Variants in VPS13B observed in about 807,000 individuals in gnomAD.
VPS13B encodes vacuolar protein sorting 13 homolog B, also known as intermembrane lipid transfer protein VPS13B.
A neutral mutation model predicts 426.4 loss-of-function variants in VPS13B; 285 were observed. The observed-to-expected ratio is 0.67, with a 90% confidence interval of 0.61 to 0.74. The LOEUF (loss-of-function observed/expected upper bound fraction) is 0.74, where lower values mean the gene tolerates loss of function less well. Ranked by LOEUF, VPS13B falls within the 30% of genes least tolerant of loss-of-function variation. The pLI is 0.00. For missense variants in VPS13B, 4,537 were observed against 4,782.6 expected, an observed-to-expected ratio of 0.95 and a Z score of 1.51; for synonymous variants, 1,676 against 1,676.4, an observed-to-expected ratio of 1.00 and a Z score of 0.01.
intron 8 of VPS13B, among the ~76,000 whole-genome samples, chr8:99,128,748 A>C (rs949187750): frequency 2.0e-5 from 3 of 148,850 alleles, no homozygotes; most frequent in Admixed American, 2.0e-4. Flanking sequence ...GAAAAAAAAA[A>C]AGTTTCTGTT....
intron 3 of VPS13B, among the ~76,000 whole-genome samples, chr8:99,074,581 ATTTTGT>A (rs971931375): frequency 1.3e-5 from 2 of 151,614 alleles, no homozygotes; most frequent in Non-Finnish European, 2.9e-5. Flanking sequence ...GTTGGTTTGT[ATTTTGT>A]TGAGAATTTT....
intron 39 of VPS13B, among the ~76,000 whole-genome samples, chr8:99,724,433 A>C (rs1286909816): frequency 1.3e-5 from 2 of 152,136 alleles, no homozygotes; most frequent in Non-Finnish European, 2.9e-5. Context: ...GAGCTTATGA[A>C]AGGAAGGCCC....
intron 1 of VPS13B, 39 bp from the exon 2 acceptor site, chr8:99,013,721 C>T (rs566878670): frequency 6.2e-7 from 1 of 1,600,382 alleles, no homozygotes; most frequent in Non-Finnish European, 8.6e-7. Flanking sequence ...TTCCTTCACT[C>T]TACCGCCGAC....
chr8:99,719,383 C>T (rs1193763279), intron 37 of VPS13B, among the ~76,000 whole-genome samples: 1 of 152,102 alleles, frequency 6.6e-6, no homozygotes, highest in Non-Finnish European at 1.5e-5. Context: ...TTTCAGCATC[C>T]AATAAAAATA....
intron 33 of VPS13B, among the ~76,000 whole-genome samples, chr8:99,606,498 CA>C (rs370527702): frequency 4.2e-3 from 314 of 74,296 alleles, no homozygotes; most frequent in Admixed American, 8.4e-3. Context: ...GACTCAGTTT[CA>C]AAAAAAAAAA....
intron 19 of VPS13B, among the ~76,000 whole-genome samples, chr8:99,325,905 T>G (rs1810232816): frequency 1.3e-5 from 2 of 152,168 alleles, no homozygotes; most frequent in Admixed American, 1.3e-4. Context: ...CAAAATAAAT[T>G]TTTATTCTTT....
chr8:99,033,764 T>C (rs896860249), intron 2 of VPS13B, among the ~76,000 whole-genome samples: 11 of 151,938 alleles, frequency 7.2e-5, no homozygotes, highest in African/African-American at 2.7e-4. Context: ...GGTGTGGTGG[T>C]GGGTGCCTGT....
rs75083247 is a variant in VPS13B at position 99,072,227 on chromosome 8, C to G, written c.292-24085C>G. On this transcript the variant is annotated intron_variant, in intron 3 of 61. Transcript: ENST00000357162. ...ACAGCACTGGGTCTCACCCCTAGAC[C>G]CACGGTGAGTACTACCTGATTACTG... 1.2e-3 allele frequency among the ~76,000 whole-genome samples: 185 copies of G among 152,262 alleles called. 8 individuals carry two copies. In the East Asian group the frequency reaches 0.031, roughly 26 times the overall value.
intron 19 of VPS13B, among the ~76,000 whole-genome samples, chr8:99,334,459 T>C (rs1223669850): frequency 6.6e-6 from 1 of 152,134 alleles, no homozygotes; most frequent in Admixed American, 6.6e-5. Context: ...CTTCCAGTTT[T>C]TGCCCATTCA....
At chr8:99,221,592 T>A (rs1425357005) in intron 17 of VPS13B, among the ~76,000 whole-genome samples, 4 of 152,262 alleles carry the variant, frequency 2.6e-5, no homozygotes, top group African/African-American at 4.8e-5. Flanking sequence ...ATTGCTTTTT[T>A]AAATTCTTTT....
chr8:99,469,503 T>A (rs1341215265), intron 24 of VPS13B, among the ~76,000 whole-genome samples: 1 of 152,134 alleles, frequency 6.6e-6, no homozygotes, highest in South Asian at 2.1e-4. Context: ...CAGTAGTGAA[T>A]ACTTTTGAAT....
At chr8:99,338,120 T>A (rs776222821) in intron 19 of VPS13B, among the ~76,000 whole-genome samples, 3 of 152,182 alleles carry the variant, frequency 2.0e-5, no homozygotes, top group Non-Finnish European at 4.4e-5. Flanking sequence ...AATCTTTGAA[T>A]CAGGTAATAT....
chr8:99,803,776 A>G (rs985719680), intron 43 of VPS13B, among the ~76,000 whole-genome samples: 1 of 152,248 alleles, frequency 6.6e-6, no homozygotes, highest in African/African-American at 2.4e-5. Flanking sequence ...GGAATGTACT[A>G]TCAGTTCCAC....
At chr8:99,378,558 A>T (rs889438587) in intron 19 of VPS13B, among the ~76,000 whole-genome samples, 5 of 152,178 alleles carry the variant, frequency 3.3e-5, no homozygotes, top group African/African-American at 1.2e-4. Context: ...TGCAGTAAAG[A>T]CAGGCATAAG....
chr8:99,328,209 G>T (rs956287375), intron 19 of VPS13B, among the ~76,000 whole-genome samples: 4 of 152,136 alleles, frequency 2.6e-5, no homozygotes, highest in African/African-American at 9.7e-5. Context: ...AATGTCTGAT[G>T]ATCTGAGGTG....
At chr8:99,799,414 A>C (rs1297901308) in intron 43 of VPS13B, among the ~76,000 whole-genome samples, 2 of 152,208 alleles carry the variant, frequency 1.3e-5, no homozygotes, top group East Asian at 3.9e-4. Context: ...ACATTCCCTT[A>C]CTGGGAAAGA....
intron 19 of VPS13B, among the ~76,000 whole-genome samples, chr8:99,353,219 A>G (rs963535010): frequency 2.6e-5 from 4 of 152,160 alleles, no homozygotes; most frequent in Non-Finnish European, 4.4e-5. Flanking sequence ...CCTGATCTCA[A>G]GTGATCCACC....
intron 3 of VPS13B, among the ~76,000 whole-genome samples, chr8:99,076,787 G>T (rs1479599534): frequency 6.6e-6 from 1 of 151,480 alleles, no homozygotes; most frequent in Admixed American, 6.6e-5. Flanking sequence ...ATACAGTTTG[G>T]TCTTTTTCTT....
chr8:99,139,434 C>CT (rs368548690), intron 12 of VPS13B, among the ~76,000 whole-genome samples: 27,085 of 135,642 alleles, frequency 0.2, 3,170 homozygotes, highest in East Asian at 0.41. Flanking sequence ...TTGATATTTC[C>CT]TTTTTTTTTT....
Sources: allele counts gnomAD v4.1 joint callset (sites outside exome capture counted in the v4.1 genomes callset), GRCh38; gene constraint gnomAD v4.1.1; transcripts MANE v1.5; gene names NCBI Gene and HGNC (gene_info 2026-07-23, HGNC 2026-07-21).